The following CASS4 variants were observed in gnomAD, a reference collection of about 807,000 sequenced individuals.
CASS4 encodes the protein Cas scaffold protein family member 4, also known as cas scaffolding protein family member 4.
CASS4 carries 22 observed loss-of-function variants against 54.2 expected under a neutral mutation model. The ratio of observed to expected loss-of-function variants is 0.41; its 90% CI spans 0.29 to 0.58. The LOEUF (loss-of-function observed/expected upper bound fraction) is 0.58. Among genes scored for constraint, CASS4 ranks in the 20% least tolerant of loss-of-function variants. The pLI, the probability that CASS4 is intolerant of heterozygous loss-of-function variation, is 0.36. For missense variants in CASS4, 854 were observed against 986.7 expected, an observed-to-expected ratio of 0.87 and a Z score of 1.80; for synonymous variants, 409 against 391.5, an observed-to-expected ratio of 1.04 and a Z score of -0.53.
intron 1 of CASS4, among the ~76,000 whole-genome samples, chr20:56,423,625 A>C (rs965196080): frequency 1.3e-5 from 2 of 151,966 alleles, no homozygotes; most frequent in Admixed American, 6.6e-5. Context: ...GCTCACTGCA[A>C]CCTCCACCTC....
In CASS4 at chr20:56,458,575, G is replaced by A. The variant is rs1280406712; in HGVS notation, c.2189G>A (p.Arg730His). ...LCMETQERDV[R>H]NEILRGSSHL... ...ATGGAGACCCAGGAGAGGGACGTGC[G>A]CAACGAGATCCTCCGTGGCAGCAGT... Residue 730 changes from arginine (R) to histidine (H), a missense_variant, in exon 6 of 6, where the codon CGC (arginine) becomes CAC (histidine). Transcript: ENST00000679887. The A allele has an allele frequency of 6.2e-7, 1 of 1,614,012 alleles. No individual in the cohort carries two copies. Among genetic ancestry groups the A allele is most frequent in the East Asian group, 2.2e-5 (1 of 44,880 alleles).
chr20:56,453,938 T>C (rs1197699218), intron 5 of CASS4: 1 of 152,150 alleles, frequency 6.6e-6, no homozygotes, highest in East Asian at 1.9e-4. Context: ...CCCAGCACTT[T>C]GGGAGGCCAA....
At chr20:56,433,012 G>T (rs1375433386) in intron 1 of CASS4, among the ~76,000 whole-genome samples, 1 of 152,194 alleles carries the variant, frequency 6.6e-6, no homozygotes, top group East Asian at 1.9e-4. Flanking sequence ...GTTATGTCAC[G>T]CCTCTCTTTC....
In CASS4 at chr20:56,458,474, C is replaced by T. The variant is rs1981417277; in HGVS notation, c.2088C>T (p.Ser696=). ...GCGCATTTCACGGCAGCCTCAGCAG[C>T]AGCCAGCCCGCGGAGATCATCACTC... ...AISAFHGSLS[S]SQPAEIITQS... The change falls in exon 6 of 6, where the codon AGC becomes AGT. Residue 696 remains serine (S), a synonymous_variant. Coordinates refer to ENST00000679887, the MANE Select transcript of CASS4 (RefSeq NM_020356.4). The T allele has an allele frequency of 2.5e-6, 4 of 1,614,206 alleles. No individual in the cohort carries two copies. The highest frequency in any genetic ancestry group is 3.4e-6 in the Non-Finnish European group (4 of 1,180,048).
chr20:56,445,927 C>G lies in CASS4; in HGVS notation c.487C>G (p.Arg163Gly). 6.2e-7 allele frequency: 1 copy of G among 1,614,016 alleles called. No homozygotes were observed. The highest frequency in any genetic ancestry group is 1.1e-5 in the South Asian group (1 of 91,090). The change falls in exon 3 of 6, where the codon CGG (arginine) becomes GGG (glycine). Residue 163 changes from arginine to glycine, a missense_variant. Arg to Gly is a moderately radical substitution (Grantham distance 125). Transcript: ENST00000679887. ...QAILTLPRPV[R>G]ASLPTLPSQV... ...CATCCTCACGCTTCCCAGACCTGTCCGGGCCTCACTGCCGACTCTGCCTTC... is the reference window on the plus strand; with the variant it reads ...CATCCTCACGCTTCCCAGACCTGTCGGGGCCTCACTGCCGACTCTGCCTTC...
In CASS4 at chr20:56,452,203, C is replaced by A. The variant is rs1288292542; in HGVS notation, c.1027C>A (p.Gln343Lys). 6.2e-7 allele frequency: 1 copy of A among 1,614,174 alleles called. No individual in the cohort carries two copies. Among genetic ancestry groups the A allele is most frequent in the Admixed American group, 1.7e-5 (1 of 60,030 alleles). ...SSFLIPRVEQQNTKPNIYDIP... is the reference protein window; with the variant it reads ...SSFLIPRVEQKNTKPNIYDIP... ...CTTTCTGATTCCCCGAGTGGAACAG[C>A]AGAACACCAAGCCCAATATTTATGA... Residue 343 changes from glutamine (Q) to lysine (K), a missense_variant, in exon 5 of 6, where the codon CAG becomes AAG. By Grantham distance (53) the Gln-to-Lys change is moderately conservative. Coordinates refer to ENST00000679887, the MANE Select transcript of CASS4 (RefSeq NM_020356.4).
At chr20:56,441,760 C>G (rs2146285784) in intron 2 of CASS4, among the ~76,000 whole-genome samples, 1 of 152,186 alleles carries the variant, frequency 6.6e-6, no homozygotes, top group Middle Eastern at 3.4e-3. Flanking sequence ...CTCCCAACAC[C>G]CTTTGTGTTT....
Position 56,412,398 on chromosome 20 carries a change from CT to C in CASS4, c.-60del. On this transcript the variant is annotated 5_prime_UTR_variant, in exon 1 of 6. Transcript: ENST00000679887. This position sits in a 1 kb window ranked among gnomAD's most constrained non-coding sequence, Gnocchi z 4.2. ...GAAGCATGCAGTGACATTGCACAAT[CT>C]GCCTCTGAAGCTGGAGATACTAGCT... The C allele has an allele frequency of 6.4e-7, 1 of 1,568,322 alleles. No individual in the cohort carries two copies. The highest frequency in any genetic ancestry group is 8.7e-7 in the Non-Finnish European group (1 of 1,143,724).
At position 56,437,889 on chromosome 20, in the gene CASS4, G is replaced by A. The variant is rs996774042; in HGVS notation, c.459+303G>A. 5.3e-5 allele frequency among the ~76,000 whole-genome samples: 8 copies of A among 152,160 alleles called. No individual in the cohort carries two copies. The highest frequency in any genetic ancestry group is 5.2e-4 in the Admixed American group (8 of 15,280). ...TGGGAAGGCACTGAGGATGTTCGTGGCACCCTTTTCACAGGATGAAGGATC... is the reference window on the plus strand; with the variant it reads ...TGGGAAGGCACTGAGGATGTTCGTGACACCCTTTTCACAGGATGAAGGATC... On this transcript the variant is annotated intron_variant, in intron 2 of 5. Coordinates refer to ENST00000679887, the MANE Select transcript of CASS4 (RefSeq NM_020356.4). This position sits in a 1 kb window ranked among gnomAD's most constrained non-coding sequence, Gnocchi z 4.7.
intron 1 of CASS4, among the ~76,000 whole-genome samples, chr20:56,428,246 C>A (rs1393756131): frequency 6.6e-6 from 1 of 152,158 alleles, no homozygotes; most frequent in African/African-American, 2.4e-5. Flanking sequence ...AAGGAGGAAG[C>A]AGGATGGGGC....
chr20:56,420,316 C>A (rs1240722808), intron 1 of CASS4, among the ~76,000 whole-genome samples: 1 of 152,114 alleles, frequency 6.6e-6, no homozygotes, highest in Non-Finnish European at 1.5e-5. Flanking sequence ...GTAGGGTCAT[C>A]CCTGTGTCTT....
At chr20:56,432,850 C>T (rs918488353) in intron 1 of CASS4, among the ~76,000 whole-genome samples, 11 of 152,080 alleles carry the variant, frequency 7.2e-5, no homozygotes, top group Admixed American at 7.2e-4. Context: ...ATCTTCTGGA[C>T]ATGGCTGGTG....
chr20:56,455,059 A>G (rs1486746588), intron 5 of CASS4, among the ~76,000 whole-genome samples: 2 of 152,012 alleles, frequency 1.3e-5, no homozygotes, highest in East Asian at 3.9e-4. Flanking sequence ...AATGTTTCTG[A>G]TTACAACAGC....
intron 5 of CASS4, among the ~76,000 whole-genome samples, chr20:56,457,154 C>T (rs562993060): frequency 2.6e-5 from 4 of 152,320 alleles, no homozygotes; most frequent in Non-Finnish European, 5.9e-5. Context: ...GTCTAACTTC[C>T]CCTCCAACCC....
chr20:56,438,804 C>G (rs938182143), intron 2 of CASS4, among the ~76,000 whole-genome samples: 1 of 152,228 alleles, frequency 6.6e-6, no homozygotes, highest in African/African-American at 2.4e-5. Context: ...TTGCAGTGAG[C>G]TGAGATCGCA....
At chr20:56,423,962 C>T (rs1051870389) in intron 1 of CASS4, among the ~76,000 whole-genome samples, 22 of 152,176 alleles carry the variant, frequency 1.4e-4, no homozygotes, top group African/African-American at 5.1e-4. Context: ...CAATAATTTT[C>T]ACCTTTTTCA....
intron 2 of CASS4, among the ~76,000 whole-genome samples, chr20:56,439,189 G>T (rs77523781): frequency 0.015 from 2,275 of 151,942 alleles, 31 homozygotes; most frequent in Non-Finnish European, 0.024. Flanking sequence ...GTTTTTTTGA[G>T]ACTGGGTCTC....
At chr20:56,445,636 T>C (rs1368678406) in intron 2 of CASS4, among the ~76,000 whole-genome samples, 3 of 152,194 alleles carry the variant, frequency 2.0e-5, no homozygotes, top group African/African-American at 7.2e-5. Flanking sequence ...AGAATCTTCA[T>C]GTTAACCTGC....
intron 1 of CASS4, among the ~76,000 whole-genome samples, chr20:56,426,718 C>T (rs1237445198): frequency 6.6e-6 from 1 of 152,086 alleles, no homozygotes; most frequent in Non-Finnish European, 1.5e-5. Flanking sequence ...GCTGGGATTA[C>T]AGGCATGTGC....
Sources: gnomAD v4.1 joint callset for allele counts (sites outside exome capture counted in the v4.1 genomes callset) on GRCh38, gnomAD v4.1.1 for gene constraint, Gnocchi (gnomAD v3.1) non-coding constraint, MANE v1.5 for transcripts, NCBI Gene and HGNC (gene_info 2026-07-23, HGNC 2026-07-21) for gene names.